TRIM37: variants seen among roughly 807,000 people sequenced by gnomAD.
The protein encoded by TRIM37 is E3 ubiquitin-protein ligase TRIM37.
In TRIM37, 80 loss-of-function variants were observed where a neutral mutation model predicts 129.8. That is an observed-to-expected ratio of 0.62 (90% CI 0.51 to 0.74). The LOEUF is 0.74. Among genes scored for constraint, TRIM37 ranks in the 30% least tolerant of loss-of-function variants. The pLI, the probability that TRIM37 is intolerant of heterozygous loss-of-function variation, is 0.00. For missense variants in TRIM37, 1,054 were observed against 1,176.5 expected (o/e 0.90, Z 1.52); for synonymous variants, 389 against 387.1 (o/e 1.00, Z -0.06).
At chr17:59,073,484 G>T (rs1323500058) in intron 8 of TRIM37, among the ~76,000 whole-genome samples, 1 of 152,054 alleles carries the variant, frequency 6.6e-6, no homozygotes, top group Non-Finnish European at 1.5e-5. Flanking sequence ...AGTAGAGACG[G>T]GGTTTCACCA....
chr17:58,989,754 T>G (rs114354077), intron 24 of TRIM37, among the ~76,000 whole-genome samples: 1,627 of 152,272 alleles, frequency 0.011, 34 homozygotes, highest in African/African-American at 0.037. Flanking sequence ...GGACAGTATC[T>G]GTGTAAAATA....
At chr17:59,015,871 T>C in intron 20 of TRIM37, 72 bp from the exon 21 acceptor site, 2 of 1,486,568 alleles carry the variant, frequency 1.3e-6, no homozygotes, top group Non-Finnish European at 1.8e-6. Context: ...CCCAGCTACT[T>C]GGGAGGTTGA....
rs189762277 is a variant in TRIM37 at position 59,090,912 on chromosome 17, G to A, written c.164+388C>T. 5.9e-3 allele frequency among the ~76,000 whole-genome samples: 903 copies of A among 152,180 alleles called. 4 individuals carry two copies. The highest frequency in any genetic ancestry group is 9.4e-3 in the Non-Finnish European group (640 of 68,004). On this transcript the variant is annotated intron_variant, in intron 3 of 23. Transcript: ENST00000262294. ...AAGTGCTGGGATTACAGGTATGAGC[G>A]AGCCACTGTGCCCGGCCAAGCTATC...
chr17:59,091,331 T>TC lies in TRIM37; in HGVS notation c.132dup (p.Thr45AspfsTer33). The stretch of plus-strand genomic sequence containing the variant: ...TGAGGACATTGAGCTCTCTGCTCTG[T>TC]CAGCCAGCGCTAAGGGGGCAAAAGA... On this transcript the variant is annotated frameshift_variant, in exon 3 of 24. Transcript: ENST00000262294. LOFTEE classifies it high-confidence loss of function. 1 of 1,573,556 alleles carries TC rather than the reference T, an allele frequency of 6.4e-7. No individual in the cohort carries two copies. Among genetic ancestry groups the TC allele is most frequent in the Non-Finnish European group, 8.6e-7 (1 of 1,156,804 alleles).
intron 17 of TRIM37, among the ~76,000 whole-genome samples, chr17:59,032,531 C>CAAAA (rs35442859): frequency 1.3e-3 from 107 of 84,136 alleles, no homozygotes; most frequent in Non-Finnish European, 1.5e-3. Flanking sequence ...GACTCCGTCT[C>CAAAA]AAAAAAAAAA....
chr17:58,974,193 T>C, the TRIM37 span, among the ~76,000 whole-genome samples: 1 of 152,186 alleles, frequency 6.6e-6, no homozygotes, highest in Non-Finnish European at 1.5e-5. Flanking sequence ...TCAGTATTTT[T>C]CAGAGAATGG....
intron 16 of TRIM37, among the ~76,000 whole-genome samples, chr17:59,045,361 T>C (rs1275444865): frequency 6.6e-6 from 1 of 150,588 alleles, no homozygotes; most frequent in Non-Finnish European, 1.5e-5. Flanking sequence ...AAATTACGGC[T>C]GGGCGAAGTG....
rs377532401 is a variant in TRIM37 at position 59,049,271 on chromosome 17, G to C, written c.1437C>G (p.Asp479Glu). ...ETRAKKSACS[D>E]MLLEGGPTTA... ...TAGTAGGACCACCTTCGAGAAGCAT[G>C]TCAGAGCATGCAGACTTCTTAGCTC... The change falls in exon 15 of 24, where the codon GAC becomes GAG. Residue 479 changes from aspartate (D) to glutamate (E), a missense_variant. By Grantham distance (45) the Asp-to-Glu change is conservative. Coordinates refer to ENST00000262294, the MANE Select transcript of TRIM37 (RefSeq NM_015294.6). 21 of 1,614,010 alleles carry C rather than the reference G, an allele frequency of 1.3e-5. No individual in the cohort carries two copies. The highest frequency in any genetic ancestry group is 1.7e-5 in the Non-Finnish European group (20 of 1,180,050).
At chr17:59,085,833 T>A (rs1175536761) in intron 4 of TRIM37, among the ~76,000 whole-genome samples, 1 of 152,126 alleles carries the variant, frequency 6.6e-6, no homozygotes, top group East Asian at 1.9e-4. Context: ...AAATGTGACA[T>A]ATACATACAA....
chr17:59,089,866 A>T (rs2044130733), intron 3 of TRIM37, among the ~76,000 whole-genome samples: 1 of 152,092 alleles, frequency 6.6e-6, no homozygotes. Flanking sequence ...TCGGGAGGTC[A>T]AGGTGGTAGG....
intron 2 of TRIM37, among the ~76,000 whole-genome samples, chr17:59,102,877 A>T (rs1024961506): frequency 2.7e-5 from 4 of 147,532 alleles, no homozygotes; most frequent in Admixed American, 6.8e-5. Context: ...GGAAACAGAA[A>T]TTTTTTTTTT....
intron 22 of TRIM37, among the ~76,000 whole-genome samples, chr17:59,007,052 C>T (rs1415907417): frequency 1.3e-5 from 2 of 151,960 alleles, no homozygotes; most frequent in Non-Finnish European, 2.9e-5. Context: ...GCTGTTCTGA[C>T]TCTGATGTCT....
chr17:59,071,023 A>C, intron 8 of TRIM37, 76 bp from the exon 9 acceptor site: 1 of 1,540,562 alleles, frequency 6.5e-7, no homozygotes, highest in South Asian at 1.2e-5. Context: ...AGAAATTACA[A>C]ATTATTCTGA....
intron 20 of TRIM37, 146 bp from the exon 21 acceptor site, chr17:59,015,945 C>T: frequency 1.5e-6 from 1 of 678,708 alleles, no homozygotes; most frequent in Non-Finnish European, 2.6e-6. Flanking sequence ...TGCTACACTC[C>T]AGCCTGGACA....
At chr17:59,049,459 T>A in intron 14 of TRIM37, 66 bp from the exon 15 acceptor site, 1 of 1,385,116 alleles carries the variant, frequency 7.2e-7, no homozygotes, top group Non-Finnish European at 1.0e-6. Flanking sequence ...ATGTCTCAAG[T>A]GAAAAAAAAA....
rs1165210860 is a variant in TRIM37, at chr17:59,104,413, G to A, written c.22-19C>T. 7 of 1,607,314 alleles carry A rather than the reference G, an allele frequency of 4.4e-6. No individual in the cohort carries two copies. The highest frequency in any genetic ancestry group is 1.7e-4 in the Middle Eastern group (1 of 6,046). On this transcript the variant is annotated intron_variant, in intron 1 of 23. Coordinates refer to ENST00000262294, the MANE Select transcript of TRIM37 (RefSeq NM_015294.6). Reference sequence around the variant, plus strand: ...CAATGCTCTGAAAACAGTAAAAGATGTAAGGTCCACCAGTTTAGGCTACTG... The same window carrying A: ...CAATGCTCTGAAAACAGTAAAAGATATAAGGTCCACCAGTTTAGGCTACTG...
At chr17:59,096,855 G>T (rs190336732) in intron 2 of TRIM37, among the ~76,000 whole-genome samples, 2 of 152,182 alleles carry the variant, frequency 1.3e-5, no homozygotes, top group Non-Finnish European at 2.9e-5. Context: ...ATTTACTAGA[G>T]AAATTGTGCT....
At chr17:59,022,743 C>A (rs1392534420) in intron 19 of TRIM37, among the ~76,000 whole-genome samples, 1 of 151,756 alleles carries the variant, frequency 6.6e-6, no homozygotes. Context: ...GGTTTAGTAA[C>A]CTTTAGTTAC....
intron 11 of TRIM37, among the ~76,000 whole-genome samples, chr17:59,062,249 A>G (rs576528001): frequency 3.3e-5 from 5 of 152,348 alleles, no homozygotes; most frequent in East Asian, 1.9e-4. Flanking sequence ...AAGATACCCA[A>G]TGAAAGAAAA....
Sources: gnomAD v4.1 joint callset for allele counts (sites outside exome capture counted in the v4.1 genomes callset) on GRCh38, gnomAD v4.1.1 for gene constraint, MANE v1.5 for transcripts, NCBI Gene and HGNC (gene_info 2026-07-23, HGNC 2026-07-21) for gene names.